Variants in SLIT3 observed in about 807,000 individuals in gnomAD.
SLIT3 encodes slit homolog 3 protein.
In SLIT3, 68 loss-of-function variants were observed where a neutral mutation model predicts 184.0. The ratio of observed to expected loss-of-function variants is 0.37; its 90% CI spans 0.30 to 0.45. The LOEUF is 0.45. Among genes scored for constraint, SLIT3 ranks in the 20% least tolerant of loss-of-function variants. The pLI is 1.00. For synonymous variants in SLIT3, 831 were observed against 828.6 expected, an observed-to-expected ratio of 1.00 and a Z score of -0.05; for missense variants, 1,707 against 2,026.0, an observed-to-expected ratio of 0.84 and a Z score of 3.02.
At position 168,760,911 on chromosome 5, in the gene SLIT3, C is replaced by G; in HGVS notation, c.1636G>C (p.Val546Leu). 1 of 1,613,974 alleles carries G rather than the reference C, an allele frequency of 6.2e-7. No individual in the cohort carries two copies. Among genetic ancestry groups the G allele is most frequent in the Non-Finnish European group, 8.5e-7 (1 of 1,179,862 alleles). Reference sequence around the variant, plus strand: ...TTGAAGATGCCAGTGGCCTCCAGAACAGATACCTCATTGTCATTCAGTCGC... The same window carrying G: ...TTGAAGATGCCAGTGGCCTCCAGAAGAGATACCTCATTGTCATTCAGTCGC... ...DLRLNDNEVSVLEATGIFKKL... is the reference protein window; with the variant it reads ...DLRLNDNEVSLLEATGIFKKL... Residue 546 changes from valine (V) to leucine (L), a missense_variant, in exon 16 of 36, where the codon GTT becomes CTT. Physicochemically the swap from Val to Leu is conservative, Grantham distance 32. Around this residue, in one of 3 missense-constraint regions of SLIT3, gnomAD observed 1,307 missense variants for 1,511.6 expected, o/e 0.86. Transcript: ENST00000519560.
chr5:169,188,490 G>A (rs1344685788), intron 4 of SLIT3, among the ~76,000 whole-genome samples: 1 of 152,148 alleles, frequency 6.6e-6, no homozygotes, highest in African/African-American at 2.4e-5. Flanking sequence ...GAGAGGCCAA[G>A]TAACATGCCC....
chr5:168,823,200 G>A, intron 7 of SLIT3, 60 bp downstream of exon 7: 2 of 1,277,188 alleles, frequency 1.6e-6, no homozygotes, highest in Non-Finnish European at 2.3e-6. Context: ...AGCGTAGAGT[G>A]CTGCACTTTG....
At chr5:168,871,514 T>C (rs1344748594) in intron 5 of SLIT3, among the ~76,000 whole-genome samples, 1 of 145,318 alleles carries the variant, frequency 6.9e-6, no homozygotes, top group East Asian at 1.9e-4. Context: ...GCCTACTTTA[T>C]ACCTAGCCCA....
intron 4 of SLIT3, among the ~76,000 whole-genome samples, chr5:168,896,270 A>G (rs1760658670): frequency 1.3e-5 from 2 of 152,166 alleles, no homozygotes; most frequent in African/African-American, 4.8e-5. Flanking sequence ...ACTGGGCCTC[A>G]GTTTTTGCAT....
rs530639805 is a variant in SLIT3, at chr5:169,102,924, T to C, written c.413+90555A>G. Among the ~76,000 whole-genome samples the C allele has an allele frequency of 8.1e-4, 124 of 152,328 alleles. 1 individual carries two copies. The highest frequency in any genetic ancestry group is 1.3e-3 in the Non-Finnish European group (90 of 68,024). ...CACAAGTCACCTCTCTTCTAAATCATTGGATTTTAAACTTGTTTTAACCTT... is the reference window on the plus strand; with the variant it reads ...CACAAGTCACCTCTCTTCTAAATCACTGGATTTTAAACTTGTTTTAACCTT... On this transcript the variant is annotated intron_variant, in intron 4 of 35. Coordinates refer to ENST00000519560, the MANE Select transcript of SLIT3 (RefSeq NM_003062.4).
At chr5:169,199,389 G>C (rs1055794692) in intron 3 of SLIT3, among the ~76,000 whole-genome samples, 5 of 152,108 alleles carry the variant, frequency 3.3e-5, no homozygotes, top group Admixed American at 6.6e-5. Flanking sequence ...CTCCAGGTGG[G>C]GTAACTGATC....
intron 14 of SLIT3, among the ~76,000 whole-genome samples, chr5:168,768,493 C>A (rs1755425650): frequency 6.6e-6 from 1 of 152,186 alleles, no homozygotes; most frequent in African/African-American, 2.4e-5. Context: ...TCGGGAGCTT[C>A]AGGACAGCAT....
At chr5:168,973,653 G>A (rs572633170) in intron 4 of SLIT3, among the ~76,000 whole-genome samples, 2 of 152,258 alleles carry the variant, frequency 1.3e-5, no homozygotes, top group South Asian at 2.1e-4. Context: ...ACAGATGTGT[G>A]CAACCATCAC....
At chr5:168,970,507 A>AC (rs1386321819) in intron 4 of SLIT3, among the ~76,000 whole-genome samples, 1 of 151,572 alleles carries the variant, frequency 6.6e-6, no homozygotes, top group African/African-American at 2.4e-5. Context: ...AATAAAAAAA[A>AC]AAAAAAAACA....
chr5:169,215,875 C>G (rs1159088863), intron 3 of SLIT3, among the ~76,000 whole-genome samples: 2 of 152,122 alleles, frequency 1.3e-5, no homozygotes, highest in Admixed American at 1.3e-4. Context: ...GTCTAAAGCC[C>G]TTTATCATCA....
intron 20 of SLIT3, among the ~76,000 whole-genome samples, chr5:168,728,007 G>C (rs2113388556): frequency 6.6e-6 from 1 of 152,228 alleles, no homozygotes; most frequent in South Asian, 2.1e-4. Context: ...CGAGGGAGTT[G>C]CTAGGAAGGG....
chr5:169,228,757 A>G (rs961130613), intron 3 of SLIT3, among the ~76,000 whole-genome samples: 3 of 152,158 alleles, frequency 2.0e-5, no homozygotes, highest in African/African-American at 7.2e-5. Context: ...TCCTAGTTAG[A>G]ACCTTAATTA....
At chr5:169,105,661 T>C (rs779473853) in intron 4 of SLIT3, among the ~76,000 whole-genome samples, 1 of 152,202 alleles carries the variant, frequency 6.6e-6, no homozygotes, top group Non-Finnish European at 1.5e-5. Context: ...TCAAGATTCA[T>C]CTGTTCTCAT....
chr5:168,974,049 T>G (rs2113333613), intron 4 of SLIT3, among the ~76,000 whole-genome samples: 1 of 152,362 alleles, frequency 6.6e-6, no homozygotes, highest in South Asian at 2.1e-4. Flanking sequence ...TACACATTTC[T>G]TAAGAAGCTG....
intron 3 of SLIT3, among the ~76,000 whole-genome samples, chr5:169,240,287 A>AT (rs747581968): frequency 6.6e-6 from 1 of 151,892 alleles, no homozygotes; most frequent in African/African-American, 2.4e-5. Context: ...AATATTCTAT[A>AT]TTTTTACCAA....
At chr5:169,218,663 G>C (rs542624676) in intron 3 of SLIT3, among the ~76,000 whole-genome samples, 6 of 152,304 alleles carry the variant, frequency 3.9e-5, no homozygotes, top group Non-Finnish European at 7.4e-5. Context: ...TAGGCAAAGG[G>C]GGAGACTTAC....
At position 168,664,230 on chromosome 5, in the gene SLIT3, A is replaced by AG. The variant is rs1199502165; in HGVS notation, c.*2223dup. ...CTGCTATTATAATAATGTTTGAAAC[A>AG]GGCTGAGCATAGTGGCTCACACCTG... On this transcript the variant is annotated 3_prime_UTR_variant, in exon 36 of 36. Transcript: ENST00000519560. The AG allele has an allele frequency of 2.0e-5, 3 of 152,346 alleles. No individual in the cohort carries two copies. Among genetic ancestry groups the AG allele is most frequent in the African/African-American group, 7.2e-5 (3 of 41,582 alleles). 9.4% of individuals were successfully genotyped at this position (152,346 alleles called of 1,614,324 possible). A position where few individuals can be genotyped will look rare whatever the true frequency, so the allele number is the denominator to read the frequency against.
In SLIT3 at chr5:168,752,533, T is replaced by C. The variant is rs968122696; in HGVS notation, c.1973+422A>G. ...CCTCAGTCTCCCAGGTAGCTGGGATTACGGATACTCACCACCATAACTGGC... is the reference window on the plus strand; with the variant it reads ...CCTCAGTCTCCCAGGTAGCTGGGATCACGGATACTCACCACCATAACTGGC... On this transcript the variant is annotated intron_variant, in intron 18 of 35. Transcript: ENST00000519560. 4.7e-4 allele frequency: 81 copies of C among 173,528 alleles called. 3 individuals are homozygous for C. 10.7% of individuals were successfully genotyped at this position (173,528 alleles called of 1,614,324 possible). A position where few individuals can be genotyped will look rare whatever the true frequency, so the allele number is the denominator to read the frequency against.
chr5:168,820,035 C>T (rs1757472159), intron 7 of SLIT3, among the ~76,000 whole-genome samples: 1 of 152,146 alleles, frequency 6.6e-6, no homozygotes, highest in East Asian at 1.9e-4. Context: ...TTGCCTTTCA[C>T]AACATGTTTG....
Sources: gnomAD v4.1 joint callset for allele counts (sites outside exome capture counted in the v4.1 genomes callset) on GRCh38, gnomAD v4.1.1 for gene constraint, gnomAD v4.1.1 regional missense constraint, MANE v1.5 for transcripts, NCBI Gene and HGNC (gene_info 2026-07-23, HGNC 2026-07-21) for gene names.